Variants in KLRG1 observed in about 807,000 individuals in gnomAD.
KLRG1 encodes the protein killer cell lectin-like receptor subfamily G member 1.
A neutral mutation model predicts 21.8 loss-of-function variants in KLRG1; 16 were observed. That is an observed-to-expected ratio of 0.73 (90% confidence interval 0.50 to 1.11). The LOEUF is 1.11. KLRG1 is among the 50% of genes most tolerant of loss of function. The pLI is 0.00. For missense variants in KLRG1, 173 were observed against 218.3 expected (o/e 0.79, Z 1.31); for synonymous variants, 69 against 75.9 (o/e 0.91, Z 0.47).
At chr12:9,172,423 A>G in the KLRG1 span, among the ~76,000 whole-genome samples, 1 of 152,210 alleles carries the variant, frequency 6.6e-6, no homozygotes, top group African/African-American at 2.4e-5. Flanking sequence ...CTATGAAGCA[A>G]TCACATAAAC....
At chr12:9,202,222 T>A in the KLRG1 span, 1 of 1,121,828 alleles carries the variant, frequency 8.9e-7, no homozygotes. Context: ...AAAACAAGTG[T>A]CTTTCATCCT....
chr12:9,142,988 T>C, the KLRG1 span, among the ~76,000 whole-genome samples: 1 of 152,174 alleles, frequency 6.6e-6, no homozygotes, highest in Non-Finnish European at 1.5e-5. Context: ...TTCAGTTGAC[T>C]GGGAAAAAAC....
Position 8,992,925 on chromosome 12 carries a change from T to A in KLRG1, c.187+615T>A, listed in dbSNP as rs191891511. Among the ~76,000 whole-genome samples the A allele has an allele frequency of 9.9e-5, 15 of 152,234 alleles. No individual in the cohort carries two copies. The East Asian group carries it at 1.9e-3, about 20-fold the overall frequency. On this transcript the variant is annotated intron_variant, in intron 2 of 4. Coordinates refer to ENST00000356986, the MANE Select transcript of KLRG1 (RefSeq NM_005810.4). ...AATGCAAGGCTGAGAATAGTTCTTA[T>A]CGTAGTATGCTCATAATTTTGTATA...
At chr12:9,196,397 ATGTT>A in the KLRG1 span, 2 of 1,613,850 alleles carry the variant, frequency 1.2e-6, no homozygotes, top group Non-Finnish European at 1.7e-6. Context: ...TTTGGATACA[ATGTT>A]TGTGATTTCA....
At chr12:8,961,276 G>T (rs1043066399) in intron 1 of KLRG1, among the ~76,000 whole-genome samples, 1 of 152,140 alleles carries the variant, frequency 6.6e-6, no homozygotes, top group African/African-American at 2.4e-5. Context: ...GTGAAACTTG[G>T]CAGGTTAATG....
the KLRG1 span, chr12:9,112,048 AC>A: frequency 4.1e-6 from 4 of 984,260 alleles, no homozygotes; most frequent in Admixed American, 6.8e-5. Flanking sequence ...GCCAGAAGTT[AC>A]TGTTAATGAT....
the KLRG1 span, among the ~76,000 whole-genome samples, chr12:9,142,842 C>T: frequency 3.0e-4 from 46 of 152,120 alleles, no homozygotes; most frequent in East Asian, 1.9e-4. Context: ...GGTTCCACAA[C>T]GAAAACAAAG....
the KLRG1 span, chr12:9,169,748 C>T: frequency 9.5e-6 from 6 of 630,090 alleles, no homozygotes; most frequent in African/African-American, 3.8e-5. Context: ...TTATATTTAA[C>T]AGTGTTGTTT....
At chr12:8,962,161 A>T (rs995760008) in intron 1 of KLRG1, among the ~76,000 whole-genome samples, 2 of 152,158 alleles carry the variant, frequency 1.3e-5, no homozygotes, top group African/African-American at 4.8e-5. Flanking sequence ...GAGACCCAGA[A>T]ATCACAAAGC....
the KLRG1 span, chr12:9,192,675 G>A: frequency 3.7e-6 from 6 of 1,613,954 alleles, no homozygotes; most frequent in Middle Eastern, 1.6e-4. Context: ...AGTGTGCTGA[G>A]CACCCTGGTG....
At chr12:9,187,077 CAAA>C in the KLRG1 span, among the ~76,000 whole-genome samples, 24 of 128,694 alleles carry the variant, frequency 1.9e-4, no homozygotes, top group South Asian at 7.6e-4. Flanking sequence ...CAAGAAAGGT[CAAA>C]AAAAAAAAAA....
chr12:9,114,009 T>C, the KLRG1 span, among the ~76,000 whole-genome samples: 2 of 152,294 alleles, frequency 1.3e-5, no homozygotes, highest in Admixed American at 1.3e-4. Context: ...GTGAAAATTG[T>C]ATGGTAAGCA....
chr12:9,051,571 C>A, the KLRG1 span, among the ~76,000 whole-genome samples: 1 of 152,230 alleles, frequency 6.6e-6, no homozygotes, highest in East Asian at 1.9e-4. Context: ...CACTGCAGGT[C>A]TCCTCTGAGC....
chr12:9,158,397 C>T, the KLRG1 span: 2 of 1,613,326 alleles, frequency 1.2e-6, no homozygotes. Flanking sequence ...GTGTCAGGCT[C>T]AGAAGTTTGT....
At chr12:9,109,811 C>G in the KLRG1 span, 1 of 1,501,798 alleles carries the variant, frequency 6.7e-7, no homozygotes, top group Non-Finnish European at 9.0e-7. Flanking sequence ...AATTCCAGGA[C>G]CTAAGAGTTT....
At chr12:9,206,621 G>A in the KLRG1 span, among the ~76,000 whole-genome samples, 1 of 152,178 alleles carries the variant, frequency 6.6e-6, no homozygotes, top group East Asian at 1.9e-4. Flanking sequence ...ACTGCCCCAA[G>A]GCAGGGGAGA....
At chr12:9,095,636 T>C in the KLRG1 span, 1 of 1,612,668 alleles carries the variant, frequency 6.2e-7, no homozygotes, top group Non-Finnish European at 8.5e-7. Context: ...GCAGTCTTCA[T>C]TGTCCTGGTC....
chr12:9,181,688 A>G, the KLRG1 span, among the ~76,000 whole-genome samples: 1 of 152,190 alleles, frequency 6.6e-6, no homozygotes, highest in Admixed American at 6.5e-5. Flanking sequence ...CTTATTCTTC[A>G]GGTTTTGGGA....
intron 3 of KLRG1, among the ~76,000 whole-genome samples, chr12:9,003,622 C>G (rs941516556): frequency 6.6e-6 from 1 of 151,830 alleles, no homozygotes; most frequent in African/African-American, 2.4e-5. Flanking sequence ...CTTCTTACCC[C>G]CAGCATGCAC....
Sources: gnomAD v4.1 joint callset for allele counts (sites outside exome capture counted in the v4.1 genomes callset) on GRCh38, gnomAD v4.1.1 for gene constraint, MANE v1.5 for transcripts, NCBI Gene and HGNC (gene_info 2026-07-23, HGNC 2026-07-21) for gene names.